SHISA9: variants seen among roughly 807,000 people sequenced by gnomAD.
SHISA9 encodes protein shisa-9.
SHISA9 carries 13 observed loss-of-function variants against 38.0 expected under a neutral mutation model. The observed-to-expected ratio is 0.34, with a 90% CI of 0.22 to 0.54. The LOEUF (loss-of-function observed/expected upper bound fraction) is 0.54, where lower values mean the gene tolerates loss of function less well. Ranked by LOEUF, SHISA9 falls within the 20% of genes least tolerant of loss-of-function variation. The pLI is 0.91. For missense variants in SHISA9, 538 were observed against 575.8 expected, an observed-to-expected ratio of 0.93 and a Z score of 0.67; for synonymous variants, 275 against 242.0, an observed-to-expected ratio of 1.14 and a Z score of -1.27.
downstream of SHISA9, among the ~76,000 whole-genome samples, chr16:13,244,142 G>A (rs1034709088): frequency 1.3e-5 from 2 of 151,928 alleles, no homozygotes; most frequent in Non-Finnish European, 2.9e-5. Flanking sequence ...TCAATTATCT[G>A]GTGAATGCCT....
At chr16:13,176,965 C>T (rs2050736959) in intron 2 of SHISA9, among the ~76,000 whole-genome samples, 1 of 152,024 alleles carries the variant, frequency 6.6e-6, no homozygotes, top group Non-Finnish European at 1.5e-5. Flanking sequence ...ACTCCAATTA[C>T]AGACTGTCTC....
the SHISA9 span, among the ~76,000 whole-genome samples, chr16:13,415,804 C>A: frequency 5.0e-5 from 5 of 99,886 alleles, no homozygotes; most frequent in Non-Finnish European, 8.6e-5. Context: ...AGTAACCTAA[C>A]CTTCTTTCGT....
chr16:13,363,846 A>C, the SHISA9 span, among the ~76,000 whole-genome samples: 1 of 152,180 alleles, frequency 6.6e-6, no homozygotes, highest in South Asian at 2.1e-4. Flanking sequence ...GTCTCTAGGG[A>C]AGAAGTAGTC....
At chr16:12,905,330 T>C (rs1303783921) in intron 1 of SHISA9, among the ~76,000 whole-genome samples, 1 of 152,140 alleles carries the variant, frequency 6.6e-6, no homozygotes, top group African/African-American at 2.4e-5. Context: ...TGTTTTCAGA[T>C]TGAATAAACA....
the SHISA9 span, among the ~76,000 whole-genome samples, chr16:13,356,918 T>C: frequency 6.6e-6 from 1 of 151,982 alleles, no homozygotes; most frequent in Non-Finnish European, 1.5e-5. Flanking sequence ...TGTATTGGGG[T>C]CAAACGGCAT....
At chr16:13,387,044 C>G in the SHISA9 span, among the ~76,000 whole-genome samples, 1 of 152,142 alleles carries the variant, frequency 6.6e-6, no homozygotes. Flanking sequence ...CCTTCCCCTC[C>G]AGCAATAATT....
At chr16:13,398,254 C>T in the SHISA9 span, among the ~76,000 whole-genome samples, 5 of 152,066 alleles carry the variant, frequency 3.3e-5, no homozygotes, top group Admixed American at 2.0e-4. Flanking sequence ...GGCACAAACC[C>T]GGGGGTGGAG....
intron 2 of SHISA9, among the ~76,000 whole-genome samples, chr16:13,040,759 G>A (rs8060487): frequency 0.69 from 105,184 of 152,120 alleles, 36,559 homozygotes; most frequent in Middle Eastern, 0.8. Flanking sequence ...TTCCTATCCT[G>A]CTAAGGTCTG....
chr16:13,325,810 A>G, the SHISA9 span, among the ~76,000 whole-genome samples: 1 of 151,928 alleles, frequency 6.6e-6, no homozygotes, highest in Admixed American at 6.6e-5. Flanking sequence ...ACAGAAAACA[A>G]AACACTGTAT....
chr16:13,300,067 T>C, the SHISA9 span, among the ~76,000 whole-genome samples: 1 of 152,154 alleles, frequency 6.6e-6, no homozygotes, highest in African/African-American at 2.4e-5. Flanking sequence ...CCAGCTGTTT[T>C]CTTCTTCCAG....
chr16:12,974,166 A>G (rs891600556), intron 2 of SHISA9, among the ~76,000 whole-genome samples: 11 of 152,194 alleles, frequency 7.2e-5, no homozygotes, highest in African/African-American at 2.2e-4. Flanking sequence ...AGTCCTATCT[A>G]GCGTCCGTCC....
At chr16:13,252,992 C>T in the SHISA9 span, among the ~76,000 whole-genome samples, 1 of 152,180 alleles carries the variant, frequency 6.6e-6, no homozygotes, top group Non-Finnish European at 1.5e-5. Flanking sequence ...CTTTAGCCTC[C>T]TCAAAATGAA....
chr16:13,562,885 T>C, the SHISA9 span: 1 of 151,598 alleles, frequency 6.6e-6, no homozygotes. Context: ...GAAAGCTCGA[T>C]AGGGAAACCA....
chr16:13,348,298 C>A, the SHISA9 span, among the ~76,000 whole-genome samples: 75 of 152,192 alleles, frequency 4.9e-4, no homozygotes, highest in African/African-American at 1.6e-3. Context: ...CTCCAATGAG[C>A]ATCTCCTTTG....
chr16:13,208,468 T>C (rs1341065737), intron 3 of SHISA9, among the ~76,000 whole-genome samples: 2 of 137,932 alleles, frequency 1.4e-5, no homozygotes, highest in Non-Finnish European at 3.0e-5. Context: ...TGAGACAGAG[T>C]TTGGCTCCTA....
At chr16:13,077,729 G>A (rs1224695135) in intron 2 of SHISA9, among the ~76,000 whole-genome samples, 2 of 152,126 alleles carry the variant, frequency 1.3e-5, no homozygotes, top group African/African-American at 2.4e-5. Flanking sequence ...CCCTCATTCA[G>A]TTCCTTTCCT....
intron 2 of SHISA9, among the ~76,000 whole-genome samples, chr16:13,139,452 C>T (rs932802641): frequency 1.1e-4 from 15 of 132,738 alleles, no homozygotes; most frequent in African/African-American, 4.5e-4. Flanking sequence ...CTCTTCCTCT[C>T]CCTCTTTCTC....
chr16:13,165,152 C>T (rs1419675870), intron 2 of SHISA9, among the ~76,000 whole-genome samples: 1 of 152,028 alleles, frequency 6.6e-6, no homozygotes, highest in African/African-American at 2.4e-5. Context: ...AATTTGTGGC[C>T]ATTAATTGTT....
chr16:12,997,989 T>C (rs1228120594), intron 2 of SHISA9, among the ~76,000 whole-genome samples: 5 of 152,266 alleles, frequency 3.3e-5, no homozygotes, highest in Admixed American at 2.0e-4. Context: ...TGTTTGATTA[T>C]GTCTCTTCCT....
Sources: allele counts gnomAD v4.1 joint callset (sites outside exome capture counted in the v4.1 genomes callset), GRCh38; gene constraint gnomAD v4.1.1; transcripts MANE v1.5; gene names NCBI Gene and HGNC (gene_info 2026-07-23, HGNC 2026-07-21).